The following PLCB2 variants were observed in gnomAD, a reference collection of about 807,000 sequenced individuals.
The protein encoded by PLCB2 is phospholipase C beta 2, also known as 1-phosphatidylinositol 4,5-bisphosphate phosphodiesterase beta-2.
Under a neutral mutation model 141.7 loss-of-function variants are expected in PLCB2, and 115 were observed. The ratio of observed to expected loss-of-function variants is 0.81; its 90% CI spans 0.70 to 0.95. The LOEUF (loss-of-function observed/expected upper bound fraction) is 0.95. Ranked by LOEUF, PLCB2 falls within the 40% of genes least tolerant of loss-of-function variation. PLCB2 has a pLI of 0.00. For synonymous variants in PLCB2, 603 were observed against 595.6 expected (o/e 1.01, Z -0.18); for missense variants, 1,403 against 1,541.1 (o/e 0.91, Z 1.50).
intron 1 of PLCB2, among the ~76,000 whole-genome samples, chr15:40,305,497 C>T (rs2040752380): frequency 6.6e-6 from 1 of 152,066 alleles, no homozygotes; most frequent in South Asian, 2.1e-4. Context: ...AAGCCTGCAC[C>T]CTTGGGACAA....
rs2040868341 is a variant in PLCB2, at chr15:40,307,723, A to AT, written c.-52_-51insA. The AT allele has an allele frequency of 1.9e-5, 29 of 1,487,618 alleles. No individual in the cohort carries two copies. Among genetic ancestry groups the AT allele is most frequent in the Non-Finnish European group, 2.6e-5 (29 of 1,101,808 alleles). 92.2% of individuals were successfully genotyped at this position (1,487,618 alleles called of 1,614,324 possible). Reference sequence around the variant, plus strand: ...ATCTCAGCAGACACAGGCAGGCAGAAGGGCAGGAAGGAGGCCAGCCAGGAG... The same window carrying AT: ...ATCTCAGCAGACACAGGCAGGCAGAATGGGCAGGAAGGAGGCCAGCCAGGAG... On this transcript the variant is annotated 5_prime_UTR_variant, in exon 1 of 32. Coordinates refer to ENST00000260402, the MANE Select transcript of PLCB2 (RefSeq NM_004573.3).
rs958224684 is a variant in PLCB2, at chr15:40,290,405, G to A, written c.3209+172C>T. ...CTCTGCCCATGTAGTGTTGGCCTCC[G>A]TGTTTTGTCTGAGGAGGACACTCTG... On this transcript the variant is annotated intron_variant, in intron 29 of 31. Transcript: ENST00000260402. 5.9e-5 allele frequency among the ~76,000 whole-genome samples: 9 copies of A among 152,374 alleles called. No homozygotes were observed. The South Asian group carries it at 1.9e-3, about 32-fold the overall frequency.
rs937975077 is a variant in PLCB2 at position 40,291,006 on chromosome 15, C to T, written c.3036+12G>A. 6.3e-7 allele frequency: 1 copy of T among 1,588,914 alleles called. No individual in the cohort carries two copies. Among genetic ancestry groups the T allele is most frequent in the Admixed American group, 1.7e-5 (1 of 59,378 alleles). ...GGGCTGGTGGGGTTGTCGCCCTGCCCCTCCCGGCCACCTCGGCCACGTGCT... is the reference window on the plus strand; with the variant it reads ...GGGCTGGTGGGGTTGTCGCCCTGCCTCTCCCGGCCACCTCGGCCACGTGCT... On this transcript the variant is annotated intron_variant, in intron 27 of 31. Coordinates refer to ENST00000260402, the MANE Select transcript of PLCB2 (RefSeq NM_004573.3).
intron 31 of PLCB2, 48 bp from the exon 32 acceptor site, chr15:40,288,966 G>A (rs758077150): frequency 4.6e-5 from 73 of 1,598,520 alleles, no homozygotes; most frequent in Non-Finnish European, 6.0e-5. Flanking sequence ...GGGCCTGCTG[G>A]CCACCCTCGC....
chr15:40,288,827 C>G lies in PLCB2; in HGVS notation c.3446G>C (p.Cys1149Ser), dbSNP rs1200541164. ...CTTGTCCTTGGCCTCGGAGGGAAAG[C>G]AGGTCCTGAGGCAGGCCCTCACCGA... ...KESVRACLRT[C>S]FPSEAKDKPE... The change falls in exon 32 of 32, where the codon TGC becomes TCC. Residue 1149 changes from cysteine to serine, a missense_variant. Physicochemically the swap from Cys to Ser is moderately radical, Grantham distance 112. Transcript: ENST00000260402. 1 of 1,614,100 alleles carries G rather than the reference C, an allele frequency of 6.2e-7. No individual in the cohort carries two copies. The highest frequency in any genetic ancestry group is 2.2e-5 in the East Asian group (1 of 44,882).
chr15:40,284,701 G>A (rs1281951559), downstream of PLCB2, among the ~76,000 whole-genome samples: 1 of 151,994 alleles, frequency 6.6e-6, no homozygotes, highest in African/African-American at 2.4e-5. Flanking sequence ...TTAGCTGGGC[G>A]CGGTGGCACG....
In PLCB2 at chr15:40,297,786, G is replaced by C; in HGVS notation, c.1238+91C>G. Reference sequence around the variant, plus strand: ...GACGTGGGAGAAGCTGTAGGCAATGGTTAGAGGCTGGGGCAGTTGTGGGGA... The same window carrying C: ...GACGTGGGAGAAGCTGTAGGCAATGCTTAGAGGCTGGGGCAGTTGTGGGGA... On this transcript the variant is annotated intron_variant, in intron 12 of 31. Coordinates refer to ENST00000260402, the MANE Select transcript of PLCB2 (RefSeq NM_004573.3). The surrounding 1 kb of genome is among the most constrained non-coding windows in gnomAD (Gnocchi z 4.2). The C allele has an allele frequency of 9.2e-7, 1 of 1,089,548 alleles. No homozygotes were observed. The highest frequency in any genetic ancestry group is 1.3e-5 in the South Asian group (1 of 76,104). 67.5% of individuals were successfully genotyped at this position (1,089,548 alleles called of 1,614,324 possible).
Position 40,288,477 on chromosome 15 carries a change from G to C in PLCB2, c.*238C>G. The C allele has an allele frequency of 7.9e-7, 1 of 1,264,548 alleles. No homozygotes were observed. Among genetic ancestry groups the C allele is most frequent in the East Asian group, 3.0e-5 (1 of 33,726 alleles). 78.3% of individuals were successfully genotyped at this position (1,264,548 alleles called of 1,614,324 possible). ...TATGACACTTATCTAGAGATGGAGG[G>C]GGAGGTAGGAAGTCAGCTTGAGAAG... On this transcript the variant is annotated 3_prime_UTR_variant, in exon 32 of 32. Coordinates refer to ENST00000260402, the MANE Select transcript of PLCB2 (RefSeq NM_004573.3).
rs757053858 is a variant in PLCB2 at position 40,303,306 on chromosome 15, C to A, written c.213G>T (p.Lys71Asn). 3 of 1,613,804 alleles carry A rather than the reference C, an allele frequency of 1.9e-6. No homozygotes were observed. The highest frequency in any genetic ancestry group is 2.2e-5 in the East Asian group (1 of 44,878). Residue 71 changes from lysine (K) to asparagine (N), a missense_variant, in exon 3 of 32, where the codon AAG becomes AAT. By Grantham distance (94) the Lys-to-Asn change is moderately conservative. This residue lies in a region of PLCB2 where 975 missense variants were observed against 1,141.1 expected (regional missense o/e 0.85). Coordinates refer to ENST00000260402, the MANE Select transcript of PLCB2 (RefSeq NM_004573.3). ...ITSIRDTRFG[K>N]FAKMPKSQKL... ...CACCTACCTTGGGCATCTTGGCAAA[C>A]TTCCCAAAGCGAGTATCCCGGATGC...
At chr15:40,303,379 G>A (rs897334317) in intron 2 of PLCB2, 23 bp from the exon 3 acceptor site, 26 of 1,578,326 alleles carry the variant, frequency 1.6e-5, no homozygotes, top group Admixed American at 5.0e-5. Flanking sequence ...TGCGGATCCC[G>A]GTGGGAGCAA....
chr15:40,287,617 G>A (rs143812421), downstream of PLCB2, among the ~76,000 whole-genome samples: 1,441 of 152,298 alleles, frequency 9.5e-3, 15 homozygotes, highest in Middle Eastern at 0.034. Context: ...TTTGCACTCA[G>A]CTCTTCTGCT....
chr15:40,284,903 G>A (rs1285142398), downstream of PLCB2, among the ~76,000 whole-genome samples: 5 of 150,250 alleles, frequency 3.3e-5, no homozygotes, highest in Admixed American at 3.3e-4. Context: ...CAAAGGCTTG[G>A]AAGCAGGATA....
rs1203857460 is a variant in PLCB2, at chr15:40,291,146, C to T, written c.2908G>A (p.Gly970Ser). Residue 970 changes from glycine to serine, a missense_variant, in exon 27 of 32, where the codon GGC becomes AGC. This residue lies in a region of PLCB2 where 290 missense variants were observed against 245.9 expected (regional missense o/e 1.18). Transcript: ENST00000260402. Reference sequence around the variant, plus strand: ...CCGTCCACGCCCTCAGGGCCCTCGCCCGGCGCGGCTCCGGCGCTCTCCTCG... The same window carrying T: ...CCGTCCACGCCCTCAGGGCCCTCGCTCGGCGCGGCTCCGGCGCTCTCCTCG... ...PREESAGAAPGEGPEGVDGRV... is the reference protein window; with the variant it reads ...PREESAGAAPSEGPEGVDGRV... The T allele has an allele frequency of 6.4e-7, 1 of 1,571,874 alleles. No homozygotes were observed. Among genetic ancestry groups the T allele is most frequent in the South Asian group, 1.1e-5 (1 of 87,246 alleles).
In PLCB2 at chr15:40,292,075, C is replaced by G; in HGVS notation, c.2515G>C (p.Gly839Arg). The change falls in exon 23 of 32, where the codon GGT becomes CGT. Residue 839 changes from glycine to arginine, a missense_variant. By Grantham distance (125) the Gly-to-Arg change is moderately radical (BLOSUM62 -2). Coordinates refer to ENST00000260402, the MANE Select transcript of PLCB2 (RefSeq NM_004573.3). ...KSVKLKEAMG[G>R]LPEKPFPLAS... ...CAGGCAACACAGACCTCAGGCAGAC[C>G]TCCCATGGCCTCCTTGAGCTTCACA... The G allele has an allele frequency of 1.2e-6, 2 of 1,613,676 alleles. No individual in the cohort carries two copies. The highest frequency in any genetic ancestry group is 1.7e-6 in the Non-Finnish European group (2 of 1,179,852).
chr15:40,294,216 T>C, intron 19 of PLCB2, 50 bp downstream of exon 19: 1 of 1,592,820 alleles, frequency 6.3e-7, no homozygotes, highest in Non-Finnish European at 8.6e-7. Flanking sequence ...CCTGTGCCCT[T>C]CTACTCAAGA....
intron 1 of PLCB2, among the ~76,000 whole-genome samples, chr15:40,307,340 C>T (rs1419214265): frequency 6.6e-6 from 1 of 152,128 alleles, no homozygotes; most frequent in Non-Finnish European, 1.5e-5. Flanking sequence ...AATAAACTAC[C>T]TCCAGTGACC....
chr15:40,291,537 C>G (rs1229433927), intron 25 of PLCB2, 50 bp from the exon 26 acceptor site: 2 of 1,606,964 alleles, frequency 1.2e-6, no homozygotes, highest in Non-Finnish European at 1.7e-6. Context: ...TCCTGCCCGT[C>G]CAACCCCCAA....
intron 31 of PLCB2, 173 bp from the exon 32 acceptor site, chr15:40,289,091 G>A (rs1566867961): frequency 9.1e-7 from 1 of 1,103,722 alleles, no homozygotes; most frequent in Non-Finnish European, 1.3e-6. Flanking sequence ...TCTCAGGAAA[G>A]GGGATCCTAA....
chr15:40,298,316 A>G lies in PLCB2; in HGVS notation c.1062T>C (p.Arg354=), dbSNP rs201952784. ...CCTTCCAGCAGTCTAGCTCCACGCA[A>G]CGGCAGCCAGAGAGCAGCACCTGGC... The part of the protein sequence containing the change: ...MYRQVLLSGC[R]CVELDCWKGK... Residue 354 remains arginine (R), a synonymous_variant, in exon 11 of 32, where the codon CGT becomes CGC. Coordinates refer to ENST00000260402, the MANE Select transcript of PLCB2 (RefSeq NM_004573.3). 2 of 1,607,752 alleles carry G rather than the reference A, an allele frequency of 1.2e-6. No homozygotes were observed. The highest frequency in any genetic ancestry group is 2.7e-5 in the African/African-American group (2 of 74,882).
Sources: gnomAD v4.1 joint callset for allele counts (sites outside exome capture counted in the v4.1 genomes callset) on GRCh38, gnomAD v4.1.1 for gene constraint, gnomAD v4.1.1 regional missense constraint, Gnocchi (gnomAD v3.1) non-coding constraint, MANE v1.5 for transcripts, NCBI Gene and HGNC (gene_info 2026-07-23, HGNC 2026-07-21) for gene names.